Variants in BMERB1 observed in about 807,000 individuals in gnomAD.
BMERB1 encodes the protein bMERB domain containing 1, also known as bMERB domain-containing protein 1.
In BMERB1, 12 loss-of-function variants were observed where a neutral mutation model predicts 23.6. The ratio of observed to expected loss-of-function variants is 0.51; its 90% CI spans 0.33 to 0.82. The LOEUF (loss-of-function observed/expected upper bound fraction) is 0.82. Among genes scored for constraint, BMERB1 ranks in the 40% least tolerant of loss-of-function variants. BMERB1 has a pLI of 0.03. For missense variants in BMERB1, 247 were observed against 255.4 expected (o/e 0.97, Z 0.22); for synonymous variants, 122 against 96.6 (o/e 1.26, Z -1.54).
intron 3 of BMERB1, among the ~76,000 whole-genome samples, chr16:15,573,287 C>T (rs995957983): frequency 6.6e-6 from 1 of 152,186 alleles, no homozygotes. Context: ...CCTAGACAAA[C>T]CTGACTTATC....
rs150875577 is a variant in BMERB1, at chr16:15,471,587, G to A, written c.106+36828G>A. Among the ~76,000 whole-genome samples the A allele has an allele frequency of 3.6e-3, 541 of 152,218 alleles. 5 individuals are homozygous for A. The highest frequency in any genetic ancestry group is 0.012 in the African/African-American group (512 of 41,528). ...CACCTGTTTCATTTCTGATATTAGT[G>A]CTTTGTGTCCTCTCTCTCACTCTCT... On this transcript the variant is annotated intron_variant, in intron 1 of 5. Coordinates refer to ENST00000300006, the MANE Select transcript of BMERB1 (RefSeq NM_033201.3).
At chr16:15,458,859 C>A (rs2051111165) in intron 1 of BMERB1, among the ~76,000 whole-genome samples, 1 of 152,068 alleles carries the variant, frequency 6.6e-6, no homozygotes. Context: ...GTAATCCCAG[C>A]ACTTTGGGAG....
intron 3 of BMERB1, among the ~76,000 whole-genome samples, chr16:15,578,919 G>A (rs886115011): frequency 9.9e-5 from 15 of 152,204 alleles, no homozygotes; most frequent in African/African-American, 3.6e-4. Context: ...ACACACGCAC[G>A]TGAGCAGCAT....
chr16:15,519,923 G>A (rs1287988691), intron 2 of BMERB1, among the ~76,000 whole-genome samples: 4 of 152,076 alleles, frequency 2.6e-5, no homozygotes, highest in African/African-American at 9.7e-5. Flanking sequence ...GGAGATGTGG[G>A]ATCAGAGGTC....
chr16:15,435,545 C>T (rs992495018), intron 1 of BMERB1, among the ~76,000 whole-genome samples: 1 of 152,182 alleles, frequency 6.6e-6, no homozygotes, highest in Non-Finnish European at 1.5e-5. Context: ...CACTGGAGGT[C>T]CCTGCAAACC....
At chr16:15,500,894 C>T (rs2051522538) in intron 1 of BMERB1, among the ~76,000 whole-genome samples, 1 of 152,084 alleles carries the variant, frequency 6.6e-6, no homozygotes, top group Non-Finnish European at 1.5e-5. Flanking sequence ...TCAAGTGATC[C>T]ACCTGCCTCG....
At chr16:15,534,580 G>A (rs1403899515) in intron 2 of BMERB1, among the ~76,000 whole-genome samples, 2 of 152,072 alleles carry the variant, frequency 1.3e-5, no homozygotes, top group Non-Finnish European at 2.9e-5. Context: ...TTCCAGTAAA[G>A]GGCATCGTGG....
At chr16:15,511,679 G>C (rs2150949112) in intron 1 of BMERB1, among the ~76,000 whole-genome samples, 1 of 152,184 alleles carries the variant, frequency 6.6e-6, no homozygotes, top group Non-Finnish European at 1.5e-5. Context: ...TAATTGCTTG[G>C]CCTTTTCCAT....
intron 1 of BMERB1, chr16:15,447,863 G>C (rs1224109977): frequency 2.2e-6 from 1 of 455,828 alleles, no homozygotes; most frequent in Non-Finnish European, 4.4e-6. Context: ...TGGAGGACAA[G>C]GGATGGAGGG....
chr16:15,488,828 A>C (rs188315476), intron 1 of BMERB1, among the ~76,000 whole-genome samples: 90 of 151,780 alleles, frequency 5.9e-4, no homozygotes, highest in African/African-American at 2.0e-3. Flanking sequence ...AAAAAAAAAA[A>C]AAACAAAGAT....
intron 5 of BMERB1, among the ~76,000 whole-genome samples, chr16:15,585,931 A>G (rs2031128412): frequency 6.6e-6 from 1 of 152,220 alleles, no homozygotes. Context: ...AAAAATATAG[A>G]ACTATTTAAA....
chr16:15,474,523 C>G (rs2051259312), intron 1 of BMERB1, among the ~76,000 whole-genome samples: 1 of 151,970 alleles, frequency 6.6e-6, no homozygotes, highest in Non-Finnish European at 1.5e-5. Context: ...GCATGTGCCA[C>G]CACACTCTGC....
chr16:15,442,373 C>T (rs1459174441), intron 1 of BMERB1, among the ~76,000 whole-genome samples: 1 of 151,696 alleles, frequency 6.6e-6, no homozygotes, highest in Non-Finnish European at 1.5e-5. Flanking sequence ...AGATTCTGCA[C>T]TGTCTCTTGA....
At chr16:15,475,628 C>G (rs774077290) in intron 1 of BMERB1, among the ~76,000 whole-genome samples, 2 of 152,170 alleles carry the variant, frequency 1.3e-5, no homozygotes, top group African/African-American at 4.8e-5. Context: ...GAAGCTCACT[C>G]AAGCCTTGGT....
At chr16:15,537,853 C>T (rs987482159) in intron 2 of BMERB1, among the ~76,000 whole-genome samples, 5 of 151,212 alleles carry the variant, frequency 3.3e-5, no homozygotes, top group African/African-American at 9.7e-5. Flanking sequence ...GAGATGGGGT[C>T]TTGCTGTGTT....
intron 2 of BMERB1, among the ~76,000 whole-genome samples, chr16:15,541,369 C>T (rs537799591): frequency 6.6e-6 from 1 of 151,624 alleles, no homozygotes; most frequent in South Asian, 2.1e-4. Flanking sequence ...AGTCGCCAGC[C>T]TCCTCCTCTT....
intron 1 of BMERB1, among the ~76,000 whole-genome samples, chr16:15,443,477 G>T (rs1041914572): frequency 6.6e-6 from 1 of 152,010 alleles, no homozygotes; most frequent in Non-Finnish European, 1.5e-5. Context: ...GGGCCCGGAA[G>T]CTGTGGTGAG....
chr16:15,502,353 T>G, intron 1 of BMERB1: 2 of 1,550,772 alleles, frequency 1.3e-6, no homozygotes, highest in Non-Finnish European at 1.7e-6. Context: ...ACGGGATGTA[T>G]GGGACGGCGG....
At chr16:15,483,015 C>T (rs1180875149) in intron 1 of BMERB1, among the ~76,000 whole-genome samples, 1 of 152,198 alleles carries the variant, frequency 6.6e-6, no homozygotes, top group African/African-American at 2.4e-5. Flanking sequence ...AGTCAACCAA[C>T]ATCCTGATGC....
Sources: gnomAD v4.1 joint callset for allele counts (sites outside exome capture counted in the v4.1 genomes callset) on GRCh38, gnomAD v4.1.1 for gene constraint, MANE v1.5 for transcripts, NCBI Gene and HGNC (gene_info 2026-07-23, HGNC 2026-07-21) for gene names.